Variants in SNRK observed in about 807,000 individuals in gnomAD.
SNRK encodes SNF related kinase, also known as SNF-related serine/threonine-protein kinase.
In SNRK, 3 loss-of-function variants were observed where a neutral mutation model predicts 48.2. That is an observed-to-expected ratio of 0.06 (90% CI 0.03 to 0.16). The LOEUF (loss-of-function observed/expected upper bound fraction) is 0.16, where lower values mean the gene tolerates loss of function less well. SNRK is among the 10% of genes least tolerant of loss of function. The pLI, the probability that SNRK is intolerant of heterozygous loss-of-function variation, is 1.00. For missense variants in SNRK, 627 were observed against 976.0 expected, an observed-to-expected ratio of 0.64 and a Z score of 4.76; for synonymous variants, 376 against 366.1, an observed-to-expected ratio of 1.03 and a Z score of -0.31.
At position 43,332,239 on chromosome 3, in the gene SNRK, C is replaced by A; in HGVS notation, c.660C>A (p.Asp220Glu). Reference protein sequence around the residue: ...CGQPPFQEANDSETLTMIMDC... With the variant: ...CGQPPFQEANESETLTMIMDC... ...AGCCGCCCTTTCAAGAAGCCAATGA[C>A]AGTGAAACACTGACAATGATCATGG... is the stretch of plus-strand genomic sequence containing the variant. The change falls in exon 4 of 7, where the codon GAC becomes GAA. Residue 220 changes from aspartate (D) to glutamate (E), a missense_variant. By Grantham distance (45) the Asp-to-Glu change is conservative. This residue lies in a region of SNRK where 147 missense variants were observed against 356.8 expected (regional missense o/e 0.41). Transcript: ENST00000296088. The A allele has an allele frequency of 6.2e-7, 1 of 1,600,990 alleles. No individual in the cohort carries two copies. The highest frequency in any genetic ancestry group is 8.5e-7 in the Non-Finnish European group (1 of 1,173,614).
intron 3 of SNRK, among the ~76,000 whole-genome samples, chr3:43,317,224 G>A (rs1559464172): frequency 6.6e-6 from 1 of 152,210 alleles, no homozygotes; most frequent in African/African-American, 2.4e-5. Flanking sequence ...TGGCATAAGT[G>A]TGTGTATTTT....
intron 3 of SNRK, among the ~76,000 whole-genome samples, chr3:43,321,737 G>C (rs564399161): frequency 6.6e-6 from 1 of 152,170 alleles, no homozygotes; most frequent in South Asian, 2.1e-4. Flanking sequence ...CCTGAAGTCC[G>C]AGTGTTTAAC....
At chr3:43,307,463 C>T (rs1427325102) in intron 3 of SNRK, among the ~76,000 whole-genome samples, 2 of 152,174 alleles carry the variant, frequency 1.3e-5, no homozygotes, top group Admixed American at 6.5e-5. Context: ...ATTTTTGCAA[C>T]AGCATATGCT....
chr3:43,294,770 T>TA (rs1198196883), intron 1 of SNRK, among the ~76,000 whole-genome samples: 1 of 152,100 alleles, frequency 6.6e-6, no homozygotes, highest in African/African-American at 2.4e-5. Context: ...GACCATTTTT[T>TA]AATGATCACT....
Position 43,347,533 on chromosome 3 carries a change from C to T in SNRK, c.1274C>T (p.Ser425Phe). The stretch of plus-strand genomic sequence containing the variant: ...CCTGAGTTGGCTGGACCAGCACTCT[C>T]TACGGTGCCACCCGCAAGCTTAAAA... ...DLPELAGPAL[S>F]TVPPASLKPT... is the part of the protein sequence containing the mutation. The change falls in exon 7 of 7, where the codon TCT (serine) becomes TTT (phenylalanine). Residue 425 changes from serine to phenylalanine, a missense_variant. Physicochemically the swap from Ser to Phe is radical, Grantham distance 155. Around this residue, in one of 4 missense-constraint regions of SNRK, gnomAD observed 175 missense variants for 209.7 expected, o/e 0.83. Coordinates refer to ENST00000296088, the MANE Select transcript of SNRK (RefSeq NM_017719.5). This position sits in a 1 kb window ranked among gnomAD's most constrained non-coding sequence, Gnocchi z 5.4. 6.2e-7 allele frequency: 1 copy of T among 1,613,548 alleles called. No homozygotes were observed. The highest frequency in any genetic ancestry group is 1.1e-5 in the South Asian group (1 of 91,038).
At position 43,348,351 on chromosome 3, in the gene SNRK, G is replaced by T. The variant is rs1419268397; in HGVS notation, c.2092G>T (p.Val698Phe). The T allele has an allele frequency of 6.2e-7, 1 of 1,609,456 alleles. No individual in the cohort carries two copies. The highest frequency in any genetic ancestry group is 1.7e-5 in the Admixed American group (1 of 59,316). The change falls in exon 7 of 7, where the codon GTC becomes TTC. Residue 698 changes from valine (V) to phenylalanine (F), a missense_variant. Val to Phe is a conservative substitution (Grantham distance 50, BLOSUM62 -1). Transcript: ENST00000296088. The stretch of plus-strand genomic sequence containing the variant: ...TAGCTCCACAGGGAATGCAGGGCAG[G>T]TCCCTGCAGTGGGCGGCATAAAGTT... ...CISSTGNAGQ[V>F]PAVGGIKFFS...
intron 3 of SNRK, among the ~76,000 whole-genome samples, chr3:43,321,230 AC>A (rs2091051236): frequency 6.6e-6 from 1 of 152,148 alleles, no homozygotes. Flanking sequence ...TGACTTTGTA[AC>A]CTTTGACTCT....
intron 1 of SNRK, among the ~76,000 whole-genome samples, chr3:43,289,380 A>G (rs1345168627): frequency 6.6e-6 from 1 of 152,188 alleles, no homozygotes; most frequent in Admixed American, 6.5e-5. Context: ...AGACAATGCA[A>G]CTGTTCTTTC....
intron 3 of SNRK, among the ~76,000 whole-genome samples, chr3:43,321,946 G>T (rs1351339215): frequency 6.6e-6 from 1 of 152,176 alleles, no homozygotes; most frequent in Non-Finnish European, 1.5e-5. Context: ...TCTCACCTAG[G>T]TCCCTTCATT....
intron 2 of SNRK, among the ~76,000 whole-genome samples, chr3:43,300,327 A>G (rs1037917787): frequency 2.0e-5 from 3 of 152,202 alleles, no homozygotes; most frequent in African/African-American, 7.2e-5. Flanking sequence ...GCTCTGAAAA[A>G]AAAGCTTTTT....
At chr3:43,339,880 A>G (rs2125645209) in intron 4 of SNRK, among the ~76,000 whole-genome samples, 1 of 100,358 alleles carries the variant, frequency 1.0e-5, no homozygotes, top group Non-Finnish European at 2.1e-5. Context: ...TATATGTTAC[A>G]TGGTATTTTA....
At chr3:43,302,737 C>G (rs1210005197) in intron 2 of SNRK, among the ~76,000 whole-genome samples, 1 of 148,208 alleles carries the variant, frequency 6.7e-6, no homozygotes, top group Non-Finnish European at 1.5e-5. Flanking sequence ...TTTGTGTTTT[C>G]CCTTGTCAAC....
intron 3 of SNRK, among the ~76,000 whole-genome samples, chr3:43,326,789 A>G (rs534136660): frequency 6.6e-6 from 1 of 152,342 alleles, no homozygotes; most frequent in African/African-American, 2.4e-5. Flanking sequence ...TTTTAGCAGC[A>G]TTGATTTTTG....
In SNRK at chr3:43,303,285, G is replaced by T; in HGVS notation, c.82G>T (p.Ala28Ser). 1.2e-6 allele frequency: 2 copies of T among 1,614,186 alleles called. No homozygotes were observed. The highest frequency in any genetic ancestry group is 2.7e-5 in the African/African-American group (2 of 75,040). The change falls in exon 3 of 7, where the codon GCC becomes TCC. Residue 28 changes from alanine (A) to serine (S), a missense_variant. By Grantham distance (99) the Ala-to-Ser change is moderately conservative (BLOSUM62 1). Transcript: ENST00000296088. The surrounding 1 kb of genome is among the most constrained non-coding windows in gnomAD (Gnocchi z 6.2). ...LDKTLGRGHF[A>S]VVKLARHVFT... ...TAAAACCTTGGGTCGAGGCCATTTT[G>T]CCGTGGTTAAACTTGCCAGGCATGT...
chr3:43,315,163 A>G (rs2091005411), intron 3 of SNRK: 1 of 152,206 alleles, frequency 6.6e-6, no homozygotes, highest in Non-Finnish European at 1.5e-5. Context: ...GAAATGGAAC[A>G]AGTTAAAACT....
intron 3 of SNRK, among the ~76,000 whole-genome samples, chr3:43,317,611 T>G (rs755885082): frequency 1.3e-5 from 2 of 152,180 alleles, no homozygotes; most frequent in Non-Finnish European, 2.9e-5. Context: ...TCCCAGACTT[T>G]CCTCTCACTA....
At chr3:43,287,176 A>G (rs987121177) in intron 1 of SNRK, among the ~76,000 whole-genome samples, 16 of 151,984 alleles carry the variant, frequency 1.1e-4, no homozygotes, top group Non-Finnish European at 1.8e-4. Flanking sequence ...ACTGCTTTAC[A>G]ATAGAGTGGG....
chr3:43,310,795 T>C (rs970241260), intron 3 of SNRK, among the ~76,000 whole-genome samples: 1 of 152,262 alleles, frequency 6.6e-6, no homozygotes. Flanking sequence ...GAACTACATT[T>C]CATTGATTCG....
chr3:43,319,785 T>C (rs1409242147), intron 3 of SNRK, among the ~76,000 whole-genome samples: 1 of 152,236 alleles, frequency 6.6e-6, no homozygotes, highest in Non-Finnish European at 1.5e-5. Flanking sequence ...TCTGTGGCTC[T>C]TCCCAATCTC....
Sources: allele counts gnomAD v4.1 joint callset (sites outside exome capture counted in the v4.1 genomes callset), GRCh38; gene constraint gnomAD v4.1.1; regional missense constraint gnomAD v4.1.1; non-coding constraint Gnocchi (gnomAD v3.1); transcripts MANE v1.5; gene names NCBI Gene and HGNC (gene_info 2026-07-23, HGNC 2026-07-21).